The following PTGFRN variants were observed in gnomAD, a reference collection of about 807,000 sequenced individuals.
PTGFRN encodes the protein prostaglandin F2 receptor inhibitor, also known as prostaglandin F2 receptor negative regulator.
Under a neutral mutation model 83.2 loss-of-function variants are expected in PTGFRN, and 35 were observed. That is an observed-to-expected ratio of 0.42 (90% CI 0.32 to 0.56). The LOEUF (loss-of-function observed/expected upper bound fraction) is 0.56, where lower values mean the gene tolerates loss of function less well. PTGFRN is among the 20% of genes least tolerant of loss of function. PTGFRN has a pLI of 0.11. For missense variants in PTGFRN, 1,051 were observed against 1,179.5 expected, an observed-to-expected ratio of 0.89 and a Z score of 1.60; for synonymous variants, 519 against 498.6, an observed-to-expected ratio of 1.04 and a Z score of -0.55.
intron 7 of PTGFRN, among the ~76,000 whole-genome samples, chr1:116,984,469 T>G (rs1651403732): frequency 6.6e-6 from 1 of 152,186 alleles, no homozygotes; most frequent in Non-Finnish European, 1.5e-5. Context: ...GCTGACTACA[T>G]GACCTTGAGC....
intron 7 of PTGFRN, among the ~76,000 whole-genome samples, chr1:116,977,274 G>A (rs566051872): frequency 6.6e-6 from 1 of 152,244 alleles, no homozygotes; most frequent in East Asian, 1.9e-4. Flanking sequence ...ATAATAATGG[G>A]AGACTTTAAC....
chr1:116,961,650 A>G lies in PTGFRN; in HGVS notation c.1621A>G (p.Ile541Val). The G allele has an allele frequency of 6.2e-7, 1 of 1,608,650 alleles. No homozygotes were observed. Among genetic ancestry groups the G allele is most frequent in the South Asian group, 1.1e-5 (1 of 90,042 alleles). ...GGATGTCTTCTCCAAGCCTGTTAAC[A>G]TATTTTGGGCATTAGAAGGTAGGAA... Reference protein sequence around the residue: ...SKDVFSKPVNIFWALEDSVLV... With the variant: ...SKDVFSKPVNVFWALEDSVLV... Residue 541 changes from isoleucine to valine, a missense_variant, in exon 5 of 9, where the codon ATA (isoleucine) becomes GTA (valine). By Grantham distance (29) the Ile-to-Val change is conservative. Coordinates refer to ENST00000393203, the MANE Select transcript of PTGFRN (RefSeq NM_020440.4). This position sits in a 1 kb window ranked among gnomAD's most constrained non-coding sequence, Gnocchi z 5.4.
chr1:116,914,816 C>T (rs750221050), intron 1 of PTGFRN, among the ~76,000 whole-genome samples: 13 of 151,414 alleles, frequency 8.6e-5, no homozygotes, highest in Non-Finnish European at 1.8e-4. Flanking sequence ...TCCTGCCTAA[C>T]GTGTGTGTGT....
In PTGFRN at chr1:116,958,693, T is replaced by G. The variant is rs12086912; in HGVS notation, c.1214-2550T>G. Among the ~76,000 whole-genome samples, 6,423 of 152,260 alleles carry G rather than the reference T, an allele frequency of 0.042. 435 individuals carry two copies. Among genetic ancestry groups the G allele is most frequent in the African/African-American group, 0.15 (6,076 of 41,524 alleles). ...TGAGCTAGTTACTGTCATCCCCATT[T>G]GTATGGGTGAGGCACCAGAGATCTG... On this transcript the variant is annotated intron_variant, in intron 4 of 8. Transcript: ENST00000393203. The surrounding 1 kb of genome is among the most constrained non-coding windows in gnomAD (Gnocchi z 4.9).
intron 6 of PTGFRN, among the ~76,000 whole-genome samples, chr1:116,973,238 A>G (rs1008110595): frequency 2.6e-5 from 4 of 152,088 alleles, no homozygotes; most frequent in African/African-American, 9.7e-5. Flanking sequence ...TTTTTAGAGC[A>G]GTTTTAGGTT....
At chr1:116,946,367 GTC>G (rs1168129301) in intron 3 of PTGFRN, among the ~76,000 whole-genome samples, 1 of 152,152 alleles carries the variant, frequency 6.6e-6, no homozygotes, top group African/African-American at 2.4e-5. Context: ...CTCATTACTG[GTC>G]AGTCTGGGCT....
rs1398476477 is a variant in PTGFRN, at chr1:116,944,786, C to A, written c.526C>A (p.Pro176Thr). Residue 176 changes from proline (P) to threonine (T), a missense_variant, in exon 3 of 9, where the codon CCG (proline) becomes ACG (threonine). Transcript: ENST00000393203. Reference protein sequence around the residue: ...ELRCTAASASPLHTHLALLWE... With the variant: ...ELRCTAASASTLHTHLALLWE... ...GCGCTGCACCGCCGCCTCCGCCTCG[C>A]CGCTGCACACGCACCTGGCGCTGCT... 1 of 1,562,652 alleles carries A rather than the reference C, an allele frequency of 6.4e-7. No homozygotes were observed.
At chr1:116,945,623 G>A (rs542360391) in intron 3 of PTGFRN, among the ~76,000 whole-genome samples, 2 of 152,186 alleles carry the variant, frequency 1.3e-5, no homozygotes, top group African/African-American at 4.8e-5. Context: ...GCTTTTCCTG[G>A]AAGGGGGAGG....
chr1:116,933,641 T>C (rs1649852830), intron 1 of PTGFRN, among the ~76,000 whole-genome samples: 1 of 152,190 alleles, frequency 6.6e-6, no homozygotes. Context: ...CTTTTTCCCT[T>C]GTTGAGAATT....
intron 3 of PTGFRN, 149 bp downstream of exon 3, chr1:116,945,241 G>C: frequency 9.4e-7 from 1 of 1,068,072 alleles, no homozygotes; most frequent in Non-Finnish European, 1.3e-6. Context: ...GAAGGGAGTA[G>C]GGTGTTGAGA....
intron 1 of PTGFRN, among the ~76,000 whole-genome samples, chr1:116,935,074 T>C (rs1442963414): frequency 6.6e-6 from 1 of 152,234 alleles, no homozygotes; most frequent in Non-Finnish European, 1.5e-5. Context: ...GTGTTTATTT[T>C]CTGCTTAGCT....
chr1:116,963,051 C>T (rs979298731), intron 5 of PTGFRN, among the ~76,000 whole-genome samples: 15 of 152,166 alleles, frequency 9.9e-5, no homozygotes, highest in African/African-American at 3.1e-4. Context: ...CTTCCCCTCT[C>T]GGTTTGCATT....
intron 6 of PTGFRN, among the ~76,000 whole-genome samples, chr1:116,967,796 A>G (rs1352580426): frequency 2.6e-5 from 4 of 152,228 alleles, no homozygotes; most frequent in South Asian, 2.1e-4. Flanking sequence ...ATTCCATCGT[A>G]TGGATATCCC....
intron 1 of PTGFRN, among the ~76,000 whole-genome samples, chr1:116,935,230 T>A (rs1383648494): frequency 6.6e-6 from 1 of 152,212 alleles, no homozygotes; most frequent in Non-Finnish European, 1.5e-5. Context: ...CTGACCTTCT[T>A]AGTATCCTTG....
chr1:116,967,569 A>G (rs1475133051), intron 6 of PTGFRN, among the ~76,000 whole-genome samples: 1 of 152,136 alleles, frequency 6.6e-6, no homozygotes, highest in Non-Finnish European at 1.5e-5. Flanking sequence ...CCCTTAGCCA[A>G]TACCCTCCAT....
intron 6 of PTGFRN, among the ~76,000 whole-genome samples, chr1:116,969,576 T>C (rs1650935433): frequency 1.3e-5 from 2 of 152,142 alleles, no homozygotes; most frequent in African/African-American, 4.8e-5. Flanking sequence ...TTTGACTATT[T>C]TGGATGCCTG....
chr1:116,947,222 G>A (rs1020954340), intron 3 of PTGFRN, among the ~76,000 whole-genome samples: 4 of 152,194 alleles, frequency 2.6e-5, no homozygotes, highest in Admixed American at 1.3e-4. Flanking sequence ...GATAAATGGC[G>A]CAGAGTGAAG....
chr1:116,988,990 A>C lies in PTGFRN; in HGVS notation c.*2023A>C, dbSNP rs904258967. The C allele has an allele frequency of 6.6e-6, 1 of 152,256 alleles. No individual in the cohort carries two copies. Among genetic ancestry groups the C allele is most frequent in the African/African-American group, 2.4e-5 (1 of 41,468 alleles). 9.4% of individuals were successfully genotyped at this position (152,256 alleles called of 1,614,324 possible). A position where few individuals can be genotyped will look rare whatever the true frequency, so the allele number is the denominator to read the frequency against. On this transcript the variant is annotated 3_prime_UTR_variant, in exon 9 of 9. Coordinates refer to ENST00000393203, the MANE Select transcript of PTGFRN (RefSeq NM_020440.4). ...GTGATTGTACAAGTGAGAATTAAAG[A>C]GAGAACAGATATTTAAACAGGTGCT...
chr1:116,985,648 C>T (rs906088693), intron 8 of PTGFRN, among the ~76,000 whole-genome samples: 13 of 150,656 alleles, frequency 8.6e-5, no homozygotes, highest in African/African-American at 2.4e-4. Flanking sequence ...GTGGAGGTTG[C>T]AGTGAGCCGA....
Sources: gnomAD v4.1 joint callset for allele counts (sites outside exome capture counted in the v4.1 genomes callset) on GRCh38, gnomAD v4.1.1 for gene constraint, Gnocchi (gnomAD v3.1) non-coding constraint, MANE v1.5 for transcripts, NCBI Gene and HGNC (gene_info 2026-07-23, HGNC 2026-07-21) for gene names.